SLX4IP: variants seen among roughly 807,000 people sequenced by gnomAD.
SLX4IP encodes the protein protein SLX4IP.
Under a neutral mutation model 32.9 loss-of-function variants are expected in SLX4IP, and 34 were observed. The ratio of observed to expected loss-of-function variants is 1.03; its 90% CI spans 0.79 to 1.38. The LOEUF (loss-of-function observed/expected upper bound fraction) is 1.38. SLX4IP is among the 40% of genes most tolerant of loss of function. The probability of loss-of-function intolerance (pLI) is 0.00; values close to 1 mark genes in which losing one functional copy is unlikely to be tolerated. For synonymous variants in SLX4IP, 172 were observed against 171.7 expected, an observed-to-expected ratio of 1.00 and a Z score of -0.01; for missense variants, 444 against 479.0, an observed-to-expected ratio of 0.93 and a Z score of 0.68.
At chr20:10,570,359 T>A (rs1167513182) in intron 4 of SLX4IP, among the ~76,000 whole-genome samples, 1 of 152,170 alleles carries the variant, frequency 6.6e-6, no homozygotes, top group Non-Finnish European at 1.5e-5. Flanking sequence ...CTTGGTAGCA[T>A]GTCTTTCTCA....
At chr20:10,617,149 A>C (rs1304705544) in intron 6 of SLX4IP, among the ~76,000 whole-genome samples, 1 of 152,238 alleles carries the variant, frequency 6.6e-6, no homozygotes, top group Non-Finnish European at 1.5e-5. Context: ...TGCATGGGAT[A>C]AATGGACCAC....
At chr20:10,525,730 G>A (rs891093665) in intron 2 of SLX4IP, among the ~76,000 whole-genome samples, 2 of 152,052 alleles carry the variant, frequency 1.3e-5, no homozygotes, top group East Asian at 1.9e-4. Context: ...ACATTTCTTC[G>A]TGTCTTCCTG....
intron 4 of SLX4IP, among the ~76,000 whole-genome samples, chr20:10,597,378 A>G (rs1600141801): frequency 6.6e-6 from 1 of 152,236 alleles, no homozygotes; most frequent in African/African-American, 2.4e-5. Context: ...AAAATCATCA[A>G]CAAAGTAGTT....
At chr20:10,510,930 A>G (rs1416082447) in intron 2 of SLX4IP, among the ~76,000 whole-genome samples, 4 of 152,166 alleles carry the variant, frequency 2.6e-5, no homozygotes, top group Admixed American at 2.6e-4. Flanking sequence ...TAATGGGCCC[A>G]GGGTGAATGG....
rs1013634488 is a variant in SLX4IP, at chr20:10,588,166, CTAAAT to C, written c.239-10503_239-10499del. On this transcript the variant is annotated intron_variant, in intron 4 of 7. Coordinates refer to ENST00000334534, the MANE Select transcript of SLX4IP (RefSeq NM_001009608.3). Reference sequence around the variant, plus strand: ...AAAGGAAAAGGAAGAAAGAAAACAACTAAATTAAATACCCCAATTAAAAATGGGGA... The same window carrying C: ...AAAGGAAAAGGAAGAAAGAAAACAACTAAATACCCCAATTAAAAATGGGGA... 3.4e-3 allele frequency among the ~76,000 whole-genome samples: 511 copies of C among 151,980 alleles called. 1 individual carries two copies. The highest frequency in any genetic ancestry group is 0.012 in the African/African-American group (493 of 41,460).
At chr20:10,571,209 T>A (rs907075636) in intron 4 of SLX4IP, among the ~76,000 whole-genome samples, 1 of 152,104 alleles carries the variant, frequency 6.6e-6, no homozygotes, top group Non-Finnish European at 1.5e-5. Context: ...AGTCCCAGGT[T>A]CGGGCACCGA....
At chr20:10,589,766 A>G (rs1054557699) in intron 4 of SLX4IP, among the ~76,000 whole-genome samples, 3 of 152,140 alleles carry the variant, frequency 2.0e-5, no homozygotes, top group Admixed American at 6.5e-5. Context: ...AGAAAGAAAT[A>G]AGAGTATATG....
intron 2 of SLX4IP, among the ~76,000 whole-genome samples, chr20:10,546,376 G>A (rs1275417067): frequency 1.3e-5 from 2 of 152,218 alleles, no homozygotes; most frequent in Non-Finnish European, 2.9e-5. Context: ...TAGAAGCAGT[G>A]TGTGGCCGGA....
rs1311799405 is a variant in SLX4IP at position 10,626,785 on chromosome 20, A to G, written c.*3406A>G. The G allele has an allele frequency of 6.6e-6, 1 of 152,208 alleles. No individual in the cohort carries two copies. Among genetic ancestry groups the G allele is most frequent in the Non-Finnish European group, 1.5e-5 (1 of 68,034 alleles). The allele number at this position is 152,208 out of a possible 1,614,324, so 9.4% of individuals were successfully genotyped here. ...TGTAGTTCTTTTGTTCACTTATTTT[A>G]ATACTATAGAAGTGTATTTCATTTT... is the stretch of plus-strand genomic sequence containing the variant. On this transcript the variant is annotated 3_prime_UTR_variant, in exon 8 of 8. Coordinates refer to ENST00000334534, the MANE Select transcript of SLX4IP (RefSeq NM_001009608.3).
intron 6 of SLX4IP, among the ~76,000 whole-genome samples, chr20:10,616,250 C>G (rs1453031739): frequency 2.6e-5 from 4 of 152,022 alleles, no homozygotes; most frequent in Admixed American, 6.6e-5. Context: ...CCCCAAGGAG[C>G]AGGCTCTTCT....
At chr20:10,456,997 C>T (rs973431107) in intron 1 of SLX4IP, among the ~76,000 whole-genome samples, 11 of 151,832 alleles carry the variant, frequency 7.2e-5, no homozygotes, top group African/African-American at 2.7e-4. Context: ...TAGAATTTTT[C>T]TTTAAATTTT....
rs191412199 is a variant in SLX4IP at position 10,452,623 on chromosome 20, G to T, written c.-29-5553G>T. ...AGAGGTTGCAGTGAGCTGAGATCAC[G>T]CTATTGCACTCCAGCCTGGGCAACA... is the stretch of plus-strand genomic sequence containing the variant. On this transcript the variant is annotated intron_variant, in intron 1 of 7. Coordinates refer to ENST00000334534, the MANE Select transcript of SLX4IP (RefSeq NM_001009608.3). 4.8e-3 allele frequency among the ~76,000 whole-genome samples: 712 copies of T among 146,908 alleles called. 12 individuals are homozygous for T. The highest frequency in any genetic ancestry group is 0.017 in the African/African-American group (679 of 39,770).
chr20:10,576,601 G>C (rs1329533679), intron 4 of SLX4IP, among the ~76,000 whole-genome samples: 1 of 152,086 alleles, frequency 6.6e-6, no homozygotes, highest in Non-Finnish European at 1.5e-5. Flanking sequence ...AACTCCACAT[G>C]ATCTCACGCA....
intron 2 of SLX4IP, among the ~76,000 whole-genome samples, chr20:10,467,774 C>A (rs2065392641): frequency 6.6e-6 from 1 of 152,156 alleles, no homozygotes; most frequent in Admixed American, 6.5e-5. Context: ...AGGCTTAGAG[C>A]TTTTAGATAC....
intron 4 of SLX4IP, among the ~76,000 whole-genome samples, chr20:10,589,401 G>T (rs2066680892): frequency 6.6e-6 from 1 of 152,090 alleles, no homozygotes; most frequent in Non-Finnish European, 1.5e-5. Context: ...AAAAGGCCAA[G>T]AATAACTTCA....
At chr20:10,582,666 A>G (rs1177280351) in intron 4 of SLX4IP, among the ~76,000 whole-genome samples, 1 of 152,218 alleles carries the variant, frequency 6.6e-6, no homozygotes, top group Non-Finnish European at 1.5e-5. Flanking sequence ...TTACAATAGT[A>G]TGATAATTTA....
chr20:10,518,547 TTC>T (rs1292851098), intron 2 of SLX4IP, among the ~76,000 whole-genome samples: 9,661 of 85,028 alleles, frequency 0.11, 965 homozygotes, highest in South Asian at 0.18. Flanking sequence ...CCTTCCTTCC[TTC>T]CTTTCCTTCT....
intron 2 of SLX4IP, among the ~76,000 whole-genome samples, chr20:10,541,440 A>G (rs1405355033): frequency 6.6e-6 from 1 of 152,226 alleles, no homozygotes; most frequent in Non-Finnish European, 1.5e-5. Context: ...ACCAGGAGTC[A>G]CTTTAAGGAA....
chr20:10,546,229 G>A (rs2122484813), intron 2 of SLX4IP, among the ~76,000 whole-genome samples: 1 of 152,324 alleles, frequency 6.6e-6, no homozygotes, highest in East Asian at 1.9e-4. Context: ...CAAGTCAGGG[G>A]CCTTACGGAC....
Sources: gnomAD v4.1 joint callset for allele counts (sites outside exome capture counted in the v4.1 genomes callset) on GRCh38, gnomAD v4.1.1 for gene constraint, MANE v1.5 for transcripts, NCBI Gene and HGNC (gene_info 2026-07-23, HGNC 2026-07-21) for gene names.